FRY: variants seen among roughly 807,000 people sequenced by gnomAD.
FRY encodes FRY microtubule binding protein, also known as protein furry homolog.
Under a neutral mutation model 348.4 loss-of-function variants are expected in FRY, and 128 were observed. The observed-to-expected ratio is 0.37, with a 90% confidence interval of 0.32 to 0.43. The LOEUF (loss-of-function observed/expected upper bound fraction) is 0.43. Ranked by LOEUF, FRY falls within the 20% of genes least tolerant of loss-of-function variation. The pLI is 1.00. For synonymous variants in FRY, 1,370 were observed against 1,374.7 expected (o/e 1.00, Z 0.08); for missense variants, 2,736 against 3,695.2 (o/e 0.74, Z 6.73).
At chr13:32,111,437 G>A (rs544668979) in intron 3 of FRY, among the ~76,000 whole-genome samples, 3 of 152,006 alleles carry the variant, frequency 2.0e-5, no homozygotes, top group African/African-American at 4.8e-5. Context: ...CAGAGGTTGC[G>A]GTGAGCCGAG....
chr13:32,210,765 C>T, intron 33 of FRY, 101 bp from the exon 34 acceptor site: 1 of 924,196 alleles, frequency 1.1e-6, no homozygotes, highest in Non-Finnish European at 1.7e-6. Flanking sequence ...GGTGACAGCT[C>T]CTGCATGATG....
At chr13:32,125,333 G>C (rs1302910672) in intron 7 of FRY, among the ~76,000 whole-genome samples, 1 of 152,168 alleles carries the variant, frequency 6.6e-6, no homozygotes, top group African/African-American at 2.4e-5. Flanking sequence ...ACAAGTCAGG[G>C]GGGAAATTCT....
At chr13:32,160,042 T>C (rs1393473053) in intron 16 of FRY, among the ~76,000 whole-genome samples, 1 of 152,184 alleles carries the variant, frequency 6.6e-6, no homozygotes, top group East Asian at 1.9e-4. Context: ...TGTGTTTTAT[T>C]TTTCATATAA....
In FRY at chr13:32,064,255, C is replaced by G. The variant is rs116222339; in HGVS notation, c.71-14579C>G. 7.5e-3 allele frequency among the ~76,000 whole-genome samples: 1,146 copies of G among 152,170 alleles called. 18 individuals are homozygous for G. Among genetic ancestry groups the G allele is most frequent in the African/African-American group, 0.026 (1,096 of 41,516 alleles). ...CATGTGAGCCATCACCACATTCCCCCCACCATTCATAAATTCCTACAACCC... is the reference window on the plus strand; with the variant it reads ...CATGTGAGCCATCACCACATTCCCCGCACCATTCATAAATTCCTACAACCC... On this transcript the variant is annotated intron_variant, in intron 1 of 60. Transcript: ENST00000542859.
At chr13:32,226,008 A>G (rs45612031) in intron 39 of FRY, 34 bp downstream of exon 39, 3 of 1,594,610 alleles carry the variant, frequency 1.9e-6, no homozygotes, top group Non-Finnish European at 2.6e-6. Flanking sequence ...AGCCTAGGAC[A>G]GTTACAAATG....
rs770436462 is a variant in FRY at position 32,225,855 on chromosome 13, C to A, written c.5087C>A (p.Ala1696Asp). The A allele has an allele frequency of 6.2e-7, 1 of 1,613,974 alleles. No individual in the cohort carries two copies. The highest frequency in any genetic ancestry group is 2.2e-5 in the East Asian group (1 of 44,888). Residue 1696 changes from alanine (A) to aspartate (D), a missense_variant, in exon 39 of 61, where the codon GCC becomes GAC. By Grantham distance (126) the Ala-to-Asp change is moderately radical (BLOSUM62 -2). This residue lies in a region of FRY where 794 missense variants were observed against 977.0 expected (regional missense o/e 0.81). Coordinates refer to ENST00000542859, the MANE Select transcript of FRY (RefSeq NM_023037.3). Reference sequence around the variant, plus strand: ...AAACTGCTTCTTCACCTCTTGATTGCCCTCTCTTGCAACAGCAATTTCCAT... The same window carrying A: ...AAACTGCTTCTTCACCTCTTGATTGACCTCTCTTGCAACAGCAATTTCCAT... The part of the protein sequence containing the change: ...SKKLLLHLLI[A>D]LSCNSNFHSI...
intron 59 of FRY, among the ~76,000 whole-genome samples, chr13:32,292,643 C>G (rs1333899540): frequency 6.6e-6 from 1 of 151,680 alleles, no homozygotes; most frequent in Non-Finnish European, 1.5e-5. Context: ...ATACAAAAAA[C>G]TAGCCAGGCA....
chr13:32,261,905 A>C, intron 52 of FRY, 89 bp downstream of exon 52: 2 of 1,209,918 alleles, frequency 1.7e-6, no homozygotes, highest in Non-Finnish European at 1.2e-6. Flanking sequence ...AGCTAAGGAA[A>C]CTTTCCACAG....
chr13:32,118,854 A>G (rs1189561375), intron 4 of FRY, among the ~76,000 whole-genome samples: 1 of 152,158 alleles, frequency 6.6e-6, no homozygotes, highest in East Asian at 1.9e-4. Flanking sequence ...TAAAAGGATC[A>G]TTTTATTATT....
intron 49 of FRY, 77 bp downstream of exon 49, chr13:32,249,764 T>A: frequency 7.5e-7 from 1 of 1,333,168 alleles, no homozygotes; most frequent in Admixed American, 1.8e-5. Context: ...TCATAAGGGA[T>A]TCCCTCTCAC....
chr13:32,242,948 A>G (rs552485638), intron 46 of FRY, among the ~76,000 whole-genome samples: 4 of 152,286 alleles, frequency 2.6e-5, no homozygotes, highest in Admixed American at 6.5e-5. Context: ...TGTCTGTCAC[A>G]TATATGTTTT....
chr13:32,139,741 C>T (rs1313499335), intron 11 of FRY, among the ~76,000 whole-genome samples: 1 of 152,286 alleles, frequency 6.6e-6, no homozygotes, highest in African/African-American at 2.4e-5. Flanking sequence ...CTTTCAGGAA[C>T]TCTTGGTCCG....
intron 10 of FRY, among the ~76,000 whole-genome samples, chr13:32,135,961 T>G (rs997844222): frequency 2.0e-5 from 3 of 152,182 alleles, no homozygotes; most frequent in African/African-American, 7.2e-5. Flanking sequence ...GCATGCATAT[T>G]TTTTAGATTA....
intron 2 of FRY, among the ~76,000 whole-genome samples, chr13:32,096,266 C>A (rs1876704620): frequency 2.0e-5 from 3 of 152,150 alleles, no homozygotes; most frequent in African/African-American, 7.2e-5. Flanking sequence ...AGCTATCTTT[C>A]CAAATGCATA....
chr13:32,059,895 T>G (rs2138437403), intron 1 of FRY, among the ~76,000 whole-genome samples: 1 of 152,330 alleles, frequency 6.6e-6, no homozygotes, highest in African/African-American at 2.4e-5. Context: ...ACAGAGGCAT[T>G]CTAAACCCTG....
chr13:32,201,343 T>C (rs541027280), intron 29 of FRY, among the ~76,000 whole-genome samples: 1 of 152,278 alleles, frequency 6.6e-6, no homozygotes, highest in East Asian at 1.9e-4. Context: ...CTAATGTAGG[T>C]GTCCCTCATC....
intron 58 of FRY, among the ~76,000 whole-genome samples, chr13:32,288,182 G>T (rs1889168044): frequency 1.3e-5 from 2 of 152,208 alleles, no homozygotes; most frequent in Non-Finnish European, 1.5e-5. Context: ...CACCCAAATT[G>T]TGAAGGTAAT....
chr13:32,254,116 T>G, intron 50 of FRY, 108 bp from the exon 51 acceptor site: 3 of 960,706 alleles, frequency 3.1e-6, no homozygotes, highest in African/African-American at 1.6e-5. Context: ...ACTGAAGGAA[T>G]TAGGTGTGTA....
chr13:32,091,501 G>C (rs1424276958), intron 2 of FRY, among the ~76,000 whole-genome samples: 1 of 152,218 alleles, frequency 6.6e-6, no homozygotes, highest in East Asian at 1.9e-4. Flanking sequence ...TGTCAGACAT[G>C]AAAACATTTG....
Sources: gnomAD v4.1 joint callset for allele counts (sites outside exome capture counted in the v4.1 genomes callset) on GRCh38, gnomAD v4.1.1 for gene constraint, gnomAD v4.1.1 regional missense constraint, MANE v1.5 for transcripts, NCBI Gene and HGNC (gene_info 2026-07-23, HGNC 2026-07-21) for gene names.